Variants in COL4A2 observed in about 807,000 individuals in gnomAD.
COL4A2 encodes the protein collagen type IV alpha 2 chain, also known as collagen alpha-2(IV) chain.
COL4A2 carries 99 observed loss-of-function variants against 200.2 expected under a neutral mutation model. The observed-to-expected ratio is 0.49, with a 90% CI of 0.42 to 0.58. COL4A2 has a LOEUF of 0.58. Among genes scored for constraint, COL4A2 ranks in the 20% least tolerant of loss-of-function variants. The probability of loss-of-function intolerance (pLI) is 0.00; values close to 1 mark genes in which losing one functional copy is unlikely to be tolerated. For missense variants in COL4A2, 1,950 were observed against 2,314.1 expected (o/e 0.84, Z 3.23); for synonymous variants, 897 against 900.6 (o/e 1.00, Z 0.07).
chr13:110,463,866 G>T (rs903435804), intron 24 of COL4A2, among the ~76,000 whole-genome samples: 1 of 152,124 alleles, frequency 6.6e-6, no homozygotes, highest in Non-Finnish European at 1.5e-5. Context: ...GCAGTTTTTT[G>T]GGGCCAGAGA....
At chr13:110,366,368 A>G (rs1877751288) in intron 4 of COL4A2, among the ~76,000 whole-genome samples, 1 of 152,210 alleles carries the variant, frequency 6.6e-6, no homozygotes, top group African/African-American at 2.4e-5. Flanking sequence ...CAGTCTTCCC[A>G]GTTGGGTTTA....
At chr13:110,509,300 A>G (rs953746433) in intron 47 of COL4A2, among the ~76,000 whole-genome samples, 2 of 129,626 alleles carry the variant, frequency 1.5e-5, no homozygotes, top group Non-Finnish European at 3.3e-5. Flanking sequence ...CACACACAAC[A>G]TAAAATATAA....
intron 3 of COL4A2, among the ~76,000 whole-genome samples, chr13:110,325,099 G>A (rs981076393): frequency 1.3e-5 from 2 of 152,164 alleles, no homozygotes; most frequent in African/African-American, 2.4e-5. Flanking sequence ...AAACGTCTGC[G>A]TCCCCACAAA....
At chr13:110,472,202 G>T (rs748214694) in intron 28 of COL4A2, among the ~76,000 whole-genome samples, 1 of 150,046 alleles carries the variant, frequency 6.7e-6, no homozygotes, top group Admixed American at 6.7e-5. Flanking sequence ...TGCAAGCTCC[G>T]CCTCCCGGGT....
chr13:110,504,845 C>T (rs1282265006), intron 45 of COL4A2, among the ~76,000 whole-genome samples: 8 of 151,924 alleles, frequency 5.3e-5, no homozygotes, highest in Admixed American at 2.0e-4. Flanking sequence ...TGACCTCGAG[C>T]GATCCGCCAG....
At chr13:110,474,577 C>T (rs893097481) in intron 29 of COL4A2, among the ~76,000 whole-genome samples, 3 of 149,466 alleles carry the variant, frequency 2.0e-5, no homozygotes, top group Non-Finnish European at 3.0e-5. Flanking sequence ...CACACATTCA[C>T]GGTCACACTC....
At chr13:110,410,993 C>G (rs149066843) in intron 4 of COL4A2, among the ~76,000 whole-genome samples, 741 of 152,272 alleles carry the variant, frequency 4.9e-3, no homozygotes, top group African/African-American at 0.017. Flanking sequence ...CTGCCCTTTT[C>G]TCCTCTCAGC....
Position 110,447,235 on chromosome 13 carries a change from AT to A in COL4A2, c.1078+377del, listed in dbSNP as rs556855089. On this transcript the variant is annotated intron_variant, in intron 18 of 47. Coordinates refer to ENST00000360467, the MANE Select transcript of COL4A2 (RefSeq NM_001846.4). Reference sequence around the variant, plus strand: ...GGGCAGCAGCCCCAGCCGCCTTCGGATTTTTTCTCCAAATGCACCAAGGTTC... The same window carrying A: ...GGGCAGCAGCCCCAGCCGCCTTCGGATTTTTCTCCAAATGCACCAAGGTTC... Among the ~76,000 whole-genome samples the A allele has an allele frequency of 1.3e-3, 202 of 152,164 alleles. 1 individual carries two copies. Among genetic ancestry groups the A allele is most frequent in the African/African-American group, 4.8e-3 (198 of 41,514 alleles).
At chr13:110,402,306 A>AT (rs1029123047) in intron 4 of COL4A2, among the ~76,000 whole-genome samples, 1 of 152,250 alleles carries the variant, frequency 6.6e-6, no homozygotes, top group African/African-American at 2.4e-5. Flanking sequence ...TGGGACAGGC[A>AT]TAAGACAGAC....
At chr13:110,419,141 C>T (rs1880150669) in intron 4 of COL4A2, among the ~76,000 whole-genome samples, 1 of 152,152 alleles carries the variant, frequency 6.6e-6, no homozygotes, top group South Asian at 2.1e-4. Flanking sequence ...GAGGGAGGGT[C>T]CGCCCTGGGG....
At chr13:110,472,340 C>T (rs1303558624) in intron 28 of COL4A2, among the ~76,000 whole-genome samples, 2 of 152,096 alleles carry the variant, frequency 1.3e-5, no homozygotes, top group African/African-American at 4.8e-5. Context: ...TGGTCTCGAT[C>T]TCCTGACCTC....
At chr13:110,405,474 C>T (rs1192936440) in intron 4 of COL4A2, among the ~76,000 whole-genome samples, 1 of 151,860 alleles carries the variant, frequency 6.6e-6, no homozygotes. Flanking sequence ...CTTTCTGCTC[C>T]ACTCCCAGAC....
At chr13:110,491,440 A>C (rs1180232764) in intron 37 of COL4A2, 100 bp downstream of exon 37, 3 of 818,348 alleles carry the variant, frequency 3.7e-6, no homozygotes, top group Non-Finnish European at 6.2e-6. Flanking sequence ...ATCACACCCA[A>C]CCCTGGAAGC....
At chr13:110,339,476 G>A (rs889341998) in intron 3 of COL4A2, among the ~76,000 whole-genome samples, 3 of 152,174 alleles carry the variant, frequency 2.0e-5, no homozygotes, top group Non-Finnish European at 2.9e-5. Flanking sequence ...AGTCTCAAAC[G>A]AGTTTACTGC....
chr13:110,310,188 C>T (rs1884935450), intron 3 of COL4A2, among the ~76,000 whole-genome samples: 1 of 152,206 alleles, frequency 6.6e-6, no homozygotes, highest in Non-Finnish European at 1.5e-5. Context: ...CTCTTTGACT[C>T]TTTGATCTTT....
intron 3 of COL4A2, among the ~76,000 whole-genome samples, chr13:110,355,990 G>A (rs578054434): frequency 2.0e-5 from 3 of 152,224 alleles, no homozygotes; most frequent in South Asian, 2.1e-4. Flanking sequence ...GCTGAGACTC[G>A]GCTGATCAGA....
chr13:110,383,337 T>TC (rs1367986556), intron 4 of COL4A2, among the ~76,000 whole-genome samples: 1 of 152,242 alleles, frequency 6.6e-6, no homozygotes, highest in Non-Finnish European at 1.5e-5. Flanking sequence ...AACAATTGTA[T>TC]CTGAATATTG....
intron 12 of COL4A2, among the ~76,000 whole-genome samples, chr13:110,435,814 C>G (rs1172256004): frequency 1.3e-5 from 2 of 151,862 alleles, no homozygotes; most frequent in South Asian, 2.1e-4. Flanking sequence ...ATTATAGTTA[C>G]TTAAGATTTT....
At chr13:110,488,824 T>G (rs1295033488) in intron 34 of COL4A2, among the ~76,000 whole-genome samples, 2 of 152,084 alleles carry the variant, frequency 1.3e-5, no homozygotes, top group Admixed American at 1.3e-4. Context: ...GTAGTCAGAG[T>G]CACCGCCGCC....
Sources: allele counts gnomAD v4.1 joint callset (sites outside exome capture counted in the v4.1 genomes callset), GRCh38; gene constraint gnomAD v4.1.1; transcripts MANE v1.5; gene names NCBI Gene and HGNC (gene_info 2026-07-23, HGNC 2026-07-21).